SCAPER: variants seen among roughly 807,000 people sequenced by gnomAD.
SCAPER encodes the protein S phase cyclin A-associated protein in the endoplasmic reticulum.
In SCAPER, 98 loss-of-function variants were observed where a neutral mutation model predicts 182.2. That is an observed-to-expected ratio of 0.54 (90% CI 0.46 to 0.64). The LOEUF (loss-of-function observed/expected upper bound fraction) is 0.64. Among genes scored for constraint, SCAPER ranks in the 30% least tolerant of loss-of-function variants. SCAPER has a pLI of 0.00. For synonymous variants in SCAPER, 605 were observed against 564.6 expected (o/e 1.07, Z -1.01); for missense variants, 1,432 against 1,690.0 (o/e 0.85, Z 2.68).
chr15:76,533,750 T>C (rs1033390642), intron 23 of SCAPER, among the ~76,000 whole-genome samples: 1 of 151,650 alleles, frequency 6.6e-6, no homozygotes, highest in Admixed American at 6.6e-5. Flanking sequence ...CTGGCTGTAA[T>C]AGTTGACATG....
intron 17 of SCAPER, among the ~76,000 whole-genome samples, chr15:76,711,722 G>C (rs192977064): frequency 6.6e-6 from 1 of 152,104 alleles, no homozygotes; most frequent in Admixed American, 6.5e-5. Flanking sequence ...GTTTTTGGCC[G>C]CATAAATGTC....
chr15:76,494,719 T>C (rs1193949329), intron 24 of SCAPER, among the ~76,000 whole-genome samples: 1 of 152,158 alleles, frequency 6.6e-6, no homozygotes, highest in African/African-American at 2.4e-5. Context: ...TTTAATTGTT[T>C]TGTTGTGTAG....
intron 26 of SCAPER, among the ~76,000 whole-genome samples, chr15:76,409,033 C>T (rs957492456): frequency 2.6e-5 from 4 of 152,060 alleles, no homozygotes; most frequent in Admixed American, 1.3e-4. Context: ...GGTTACTGGG[C>T]CATCTACAGT....
chr15:76,613,480 C>G (rs992702466), intron 22 of SCAPER, among the ~76,000 whole-genome samples: 3 of 151,930 alleles, frequency 2.0e-5, no homozygotes, highest in African/African-American at 7.3e-5. Flanking sequence ...ACAGGGTAAA[C>G]AGACAAACTA....
intron 26 of SCAPER, among the ~76,000 whole-genome samples, chr15:76,429,442 T>C (rs1269977747): frequency 6.6e-6 from 1 of 152,142 alleles, no homozygotes; most frequent in African/African-American, 2.4e-5. Flanking sequence ...ACTTGTTGAA[T>C]GGCTTTGACC....
At chr15:76,379,958 T>C (rs917626588) in intron 28 of SCAPER, 3 of 152,154 alleles carry the variant, frequency 2.0e-5, no homozygotes, top group African/African-American at 7.2e-5. Flanking sequence ...TGTAGCAGTA[T>C]AAATGTTGGC....
At chr15:76,704,270 G>A (rs1337160174) in intron 18 of SCAPER, among the ~76,000 whole-genome samples, 1 of 152,068 alleles carries the variant, frequency 6.6e-6, no homozygotes, top group Non-Finnish European at 1.5e-5. Context: ...CATTTTGTAG[G>A]TTGCCTGTTC....
At chr15:76,360,535 G>C (rs1040102803) in intron 29 of SCAPER, among the ~76,000 whole-genome samples, 1 of 152,218 alleles carries the variant, frequency 6.6e-6, no homozygotes, top group African/African-American at 2.4e-5. Flanking sequence ...CTGGGCAGAA[G>C]GGCTGTCTGT....
At chr15:76,520,231 TGTTTTG>T (rs974087467) in intron 23 of SCAPER, among the ~76,000 whole-genome samples, 1 of 152,194 alleles carries the variant, frequency 6.6e-6, no homozygotes, top group African/African-American at 2.4e-5. Context: ...TTTTTGTTTT[TGTTTTG>T]AGACAAAGTC....
At position 76,446,999 on chromosome 15, in the gene SCAPER, A is replaced by G. The variant is rs571682204; in HGVS notation, c.3079-12689T>C. Reference sequence around the variant, plus strand: ...CTGTTTTAGCTAATTCTGCCCAACTATAAGCTAATGTCAGTGTTTTGAGCA... The same window carrying G: ...CTGTTTTAGCTAATTCTGCCCAACTGTAAGCTAATGTCAGTGTTTTGAGCA... On this transcript the variant is annotated intron_variant, in intron 25 of 31. Coordinates refer to ENST00000563290, the MANE Select transcript of SCAPER (RefSeq NM_020843.4). 3.3e-5 allele frequency among the ~76,000 whole-genome samples: 5 copies of G among 152,320 alleles called. No individual in the cohort carries two copies. In the South Asian group the frequency reaches 8.3e-4, roughly 25 times the overall value.
intron 25 of SCAPER, among the ~76,000 whole-genome samples, chr15:76,434,530 A>G (rs1252982842): frequency 1.3e-5 from 2 of 152,212 alleles, no homozygotes; most frequent in Non-Finnish European, 2.9e-5. Context: ...TTTCTCATCT[A>G]TAAAACAAGG....
At chr15:76,765,787 C>A in intron 11 of SCAPER, 149 bp from the exon 12 acceptor site, 1 of 662,378 alleles carries the variant, frequency 1.5e-6, no homozygotes, top group Non-Finnish European at 2.6e-6. Context: ...CCTACCAGTA[C>A]AATCAAAATA....
At chr15:76,372,886 C>T (rs368918691) in intron 29 of SCAPER, among the ~76,000 whole-genome samples, 3 of 152,196 alleles carry the variant, frequency 2.0e-5, no homozygotes, top group East Asian at 1.9e-4. Flanking sequence ...ACAGCATGAC[C>T]TCAGCCATGT....
At chr15:76,499,617 A>G (rs2040915422) in intron 24 of SCAPER, among the ~76,000 whole-genome samples, 1 of 152,166 alleles carries the variant, frequency 6.6e-6, no homozygotes, top group Non-Finnish European at 1.5e-5. Flanking sequence ...ACTTGGGGAG[A>G]TGATGGTACA....
chr15:76,658,461 C>G (rs1170209042), intron 21 of SCAPER, among the ~76,000 whole-genome samples: 4 of 152,082 alleles, frequency 2.6e-5, no homozygotes, highest in Non-Finnish European at 5.9e-5. Flanking sequence ...GAGAAAGAAT[C>G]TATTGTTAAC....
chr15:76,394,990 T>TCCCA (rs2043954026), intron 27 of SCAPER, among the ~76,000 whole-genome samples: 1 of 151,858 alleles, frequency 6.6e-6, no homozygotes, highest in South Asian at 2.1e-4. Flanking sequence ...CCCAGCTCTC[T>TCCCA]CCCACCCACC....
At chr15:76,474,868 G>A (rs1410224597) in intron 24 of SCAPER, among the ~76,000 whole-genome samples, 1 of 152,014 alleles carries the variant, frequency 6.6e-6, no homozygotes, top group Non-Finnish European at 1.5e-5. Flanking sequence ...ATGCTGAAAG[G>A]ACTAAGTTGA....
intron 23 of SCAPER, among the ~76,000 whole-genome samples, chr15:76,515,839 A>G (rs1005124628): frequency 2.6e-5 from 4 of 152,242 alleles, no homozygotes; most frequent in South Asian, 2.1e-4. Context: ...GTTACAATCA[A>G]TTTAATTCCT....
At chr15:76,649,975 T>C (rs2054883553) in intron 21 of SCAPER, among the ~76,000 whole-genome samples, 1 of 151,994 alleles carries the variant, frequency 6.6e-6, no homozygotes, top group African/African-American at 2.4e-5. Flanking sequence ...AAAAGATAAC[T>C]GAAAGATTGG....
Sources: gnomAD v4.1 joint callset for allele counts (sites outside exome capture counted in the v4.1 genomes callset) on GRCh38, gnomAD v4.1.1 for gene constraint, MANE v1.5 for transcripts, NCBI Gene and HGNC (gene_info 2026-07-23, HGNC 2026-07-21) for gene names.